LRRC20: variants seen among roughly 807,000 people sequenced by gnomAD.
LRRC20 encodes the protein leucine-rich repeat-containing protein 20.
Under a neutral mutation model 14.4 loss-of-function variants are expected in LRRC20, and 11 were observed. The observed-to-expected ratio is 0.77, with a 90% CI of 0.48 to 1.27. The LOEUF (loss-of-function observed/expected upper bound fraction) is 1.27. LRRC20 is among the 50% of genes most tolerant of loss of function. The pLI, the probability that LRRC20 is intolerant of heterozygous loss-of-function variation, is 0.00. For missense variants in LRRC20, 219 were observed against 251.2 expected (o/e 0.87, Z 0.87); for synonymous variants, 121 against 107.3 (o/e 1.13, Z -0.79).
intron 3 of LRRC20, among the ~76,000 whole-genome samples, chr10:70,337,523 A>T (rs139646966): frequency 8.5e-4 from 129 of 152,350 alleles, no homozygotes; most frequent in Non-Finnish European, 1.6e-3. Context: ...TGCTACGTAA[A>T]TACATTTCCG....
At chr10:70,342,351 C>T (rs565481518) in intron 2 of LRRC20, among the ~76,000 whole-genome samples, 1 of 151,816 alleles carries the variant, frequency 6.6e-6, no homozygotes, top group Admixed American at 6.6e-5. Flanking sequence ...GTGATAACTG[C>T]TCAACTCTGA....
chr10:70,380,248 G>A (rs1200778077), intron 1 of LRRC20, among the ~76,000 whole-genome samples: 1 of 152,182 alleles, frequency 6.6e-6, no homozygotes, highest in East Asian at 1.9e-4. Flanking sequence ...AATTCAGTAG[G>A]AAGAAGGGCC....
At position 70,340,533 on chromosome 10, in the gene LRRC20, T is replaced by A; in HGVS notation, c.232+20A>T. On this transcript the variant is annotated intron_variant, in intron 3 of 4. Coordinates refer to ENST00000446961, the MANE Select transcript of LRRC20 (RefSeq NM_001278212.2). ...TGAGAGCTGGCCATGCCCTCCTGGC[T>A]GGAGCTGACCAGGGCCTACCTCGGA... 1 of 1,613,872 alleles carries A rather than the reference T, an allele frequency of 6.2e-7. No homozygotes were observed. Among genetic ancestry groups the A allele is most frequent in the Non-Finnish European group, 8.5e-7 (1 of 1,179,940 alleles).
intron 2 of LRRC20, among the ~76,000 whole-genome samples, chr10:70,345,858 T>C (rs1843056040): frequency 6.6e-6 from 1 of 152,206 alleles, no homozygotes; most frequent in Non-Finnish European, 1.5e-5. Flanking sequence ...GTTAATTAAC[T>C]GTTTTTCAGC....
intron 2 of LRRC20, among the ~76,000 whole-genome samples, chr10:70,365,592 G>A (rs1293525947): frequency 6.6e-6 from 1 of 152,188 alleles, no homozygotes; most frequent in African/African-American, 2.4e-5. Context: ...TCTGGAAGCT[G>A]AAATAGGAGG....
chr10:70,326,934 C>T (rs1171261798), intron 3 of LRRC20, among the ~76,000 whole-genome samples: 1 of 152,214 alleles, frequency 6.6e-6, no homozygotes, highest in Non-Finnish European at 1.5e-5. Context: ...GCTGGGATTA[C>T]AGGCGTGAGC....
At chr10:70,322,300 C>T (rs1842117276) in intron 4 of LRRC20, among the ~76,000 whole-genome samples, 1 of 152,230 alleles carries the variant, frequency 6.6e-6, no homozygotes, top group South Asian at 2.1e-4. Flanking sequence ...ACCCGCTGCA[C>T]ACCCAGCTCT....
rs771256208 is a variant in LRRC20 at position 70,324,100 on chromosome 10, G to A, written c.233-70C>T. On this transcript the variant is annotated intron_variant, in intron 3 of 4. Coordinates refer to ENST00000446961, the MANE Select transcript of LRRC20 (RefSeq NM_001278212.2). ...CACCCCGAGACCACAGTGACTGCCC[G>A]CTGTGGCTCTCACCCTGCCTGGGCC... The A allele has an allele frequency of 1.2e-4, 171 of 1,440,556 alleles. 1 individual carries two copies. Among genetic ancestry groups the A allele is most frequent in the Non-Finnish European group, 1.5e-4 (158 of 1,033,628 alleles). 89.2% of individuals were successfully genotyped at this position (1,440,556 alleles called of 1,614,324 possible). A position where few individuals can be genotyped will look rare whatever the true frequency, so the allele number is the denominator to read the frequency against.
intron 2 of LRRC20, among the ~76,000 whole-genome samples, chr10:70,372,730 C>G (rs1180430700): frequency 6.6e-6 from 1 of 152,056 alleles, no homozygotes; most frequent in Non-Finnish European, 1.5e-5. Context: ...GTGTGAGCCA[C>G]TGCGCCCGGC....
In LRRC20 at chr10:70,301,088, G is replaced by A; in HGVS notation, c.*266C>T. On this transcript the variant is annotated 3_prime_UTR_variant, in exon 5 of 5. Transcript: ENST00000446961. ...TTTTTTTCAAGTGACAAGGCTCAGA[G>A]AGGGCAGGAGATCTGCCTGAGTTTG... The A allele has an allele frequency of 1.6e-6, 2 of 1,265,502 alleles. No individual in the cohort carries two copies. Among genetic ancestry groups the A allele is most frequent in the Non-Finnish European group, 2.0e-6 (2 of 1,005,942 alleles). 78.4% of individuals were successfully genotyped at this position (1,265,502 alleles called of 1,614,324 possible).
intron 4 of LRRC20, among the ~76,000 whole-genome samples, chr10:70,308,735 G>C (rs1274273744): frequency 6.6e-6 from 1 of 152,178 alleles, no homozygotes; most frequent in Non-Finnish European, 1.5e-5. Context: ...GCTCAGACAG[G>C]AAAAGACGCA....
intron 4 of LRRC20, among the ~76,000 whole-genome samples, chr10:70,306,194 C>T (rs1025828352): frequency 5.3e-5 from 8 of 151,964 alleles, no homozygotes; most frequent in Admixed American, 3.9e-4. Context: ...TACGTCATGG[C>T]CCTCAGTGTA....
chr10:70,334,657 G>T (rs937586907), intron 3 of LRRC20, among the ~76,000 whole-genome samples: 5 of 152,096 alleles, frequency 3.3e-5, no homozygotes, highest in African/African-American at 1.2e-4. Context: ...CACCACCCTG[G>T]CCTGTTAGGA....
intron 2 of LRRC20, among the ~76,000 whole-genome samples, chr10:70,349,415 T>C (rs1843206619): frequency 6.6e-6 from 1 of 151,992 alleles, no homozygotes; most frequent in African/African-American, 2.4e-5. Flanking sequence ...CTGTCTCTAA[T>C]AAAAATACAA....
In LRRC20 at chr10:70,376,494, T is replaced by C; in HGVS notation, c.40A>G (p.Arg14Gly). Residue 14 changes from arginine to glycine, a missense_variant, in exon 2 of 5, where the codon AGG becomes GGG. Arg to Gly is a moderately radical substitution (Grantham distance 125). Transcript: ENST00000446961. Reference protein sequence around the residue: ...KMGEAVARVARKVNETVESGS... With the variant: ...KMGEAVARVAGKVNETVESGS... The stretch of plus-strand genomic sequence containing the variant: ...CTCTCCACCGTCTCGTTGACCTTCC[T>C]TGCTACTCTGGCCACGGCCTCACCC... 1 of 1,614,076 alleles carries C rather than the reference T, an allele frequency of 6.2e-7. No individual in the cohort carries two copies. The highest frequency in any genetic ancestry group is 8.5e-7 in the Non-Finnish European group (1 of 1,180,032).
intron 2 of LRRC20, among the ~76,000 whole-genome samples, chr10:70,342,097 G>T (rs1246634172): frequency 6.6e-6 from 1 of 151,892 alleles, no homozygotes; most frequent in Non-Finnish European, 1.5e-5. Context: ...CCAGGAGTTT[G>T]AGACCAGCCT....
chr10:70,371,883 G>T (rs981885320), intron 2 of LRRC20, among the ~76,000 whole-genome samples: 4 of 152,014 alleles, frequency 2.6e-5, no homozygotes, highest in African/African-American at 9.7e-5. Context: ...CGAGTTACAG[G>T]AGGAAGCAGG....
In LRRC20 at chr10:70,353,176, A is replaced by T. The variant is rs1241287794; in HGVS notation, c.83-12474T>A. ...CCTTTTATTCCCTCCATTCCTCACA[A>T]CCACCCTATAAATAGGTCACTACTA... On this transcript the variant is annotated intron_variant, in intron 2 of 4. Transcript: ENST00000446961. Among the ~76,000 whole-genome samples the T allele has an allele frequency of 2.6e-5, 4 of 152,056 alleles. No homozygotes were observed. The East Asian group carries it at 7.7e-4, about 29-fold the overall frequency.
rs1243361365 is a variant in LRRC20 at position 70,302,774 on chromosome 10, G to A, written c.401-1266C>T. On this transcript the variant is annotated intron_variant, in intron 4 of 4. Coordinates refer to ENST00000446961, the MANE Select transcript of LRRC20 (RefSeq NM_001278212.2). ...CGCCCAGGCTGGAGTGCAGTGGCGC[G>A]ATCTCGACTCACTGCAAGCTCCGCC... 6.6e-5 allele frequency among the ~76,000 whole-genome samples: 10 copies of A among 150,768 alleles called. No homozygotes were observed. The East Asian group carries it at 1.2e-3, about 18-fold the overall frequency.
Sources: gnomAD v4.1 joint callset for allele counts (sites outside exome capture counted in the v4.1 genomes callset) on GRCh38, gnomAD v4.1.1 for gene constraint, MANE v1.5 for transcripts, NCBI Gene and HGNC (gene_info 2026-07-23, HGNC 2026-07-21) for gene names.